The following TRANK1 variants were observed in gnomAD, a reference collection of about 807,000 sequenced individuals.
TRANK1 encodes TPR and ankyrin repeat-containing protein 1.
Under a neutral mutation model 266.0 loss-of-function variants are expected in TRANK1, and 198 were observed. The ratio of observed to expected loss-of-function variants is 0.74; its 90% CI spans 0.66 to 0.84. The LOEUF is 0.84. Ranked by LOEUF, TRANK1 falls within the 40% of genes least tolerant of loss-of-function variation. TRANK1 has a pLI of 0.00. For synonymous variants in TRANK1, 1,396 were observed against 1,384.1 expected, an observed-to-expected ratio of 1.01 and a Z score of -0.19; for missense variants, 3,326 against 3,634.6, an observed-to-expected ratio of 0.92 and a Z score of 2.18.
At position 36,858,855 on chromosome 3, in the gene TRANK1, A is replaced by G; in HGVS notation, c.1535T>C (p.Val512Ala). The G allele has an allele frequency of 6.5e-7, 1 of 1,537,188 alleles. No homozygotes were observed. The highest frequency in any genetic ancestry group is 8.7e-7 in the Non-Finnish European group (1 of 1,146,836). The change falls in exon 12 of 24, where the codon GTT (valine) becomes GCT (alanine). Residue 512 changes from valine (V) to alanine (A), a missense_variant. By Grantham distance (64) the Val-to-Ala change is moderately conservative (BLOSUM62 0). Transcript: ENST00000645898. ...DGLQESQERP[V>A]VTCLKHEDFE... Reference sequence around the variant, plus strand: ...GTCCTCATGTTTCAGGCACGTGACAACTGGCCTCTCCTGGCTCTCCTGAAG... The same window carrying G: ...GTCCTCATGTTTCAGGCACGTGACAGCTGGCCTCTCCTGGCTCTCCTGAAG...
At chr3:36,877,282 G>C (rs2079403908) in intron 8 of TRANK1, among the ~76,000 whole-genome samples, 1 of 152,180 alleles carries the variant, frequency 6.6e-6, no homozygotes, top group East Asian at 1.9e-4. Flanking sequence ...AGAAAAAAAT[G>C]TAAGATATTA....
At chr3:36,842,011 C>T (rs1030027923) in intron 18 of TRANK1, among the ~76,000 whole-genome samples, 1 of 152,176 alleles carries the variant, frequency 6.6e-6, no homozygotes, top group South Asian at 2.1e-4. Context: ...CACCCAAAAC[C>T]CTGTGATGTG....
chr3:36,829,683 G>A (rs2078669626), intron 22 of TRANK1, 21 bp from the exon 23 acceptor site: 1 of 1,611,468 alleles, frequency 6.2e-7, no homozygotes, highest in Non-Finnish European at 8.5e-7. Context: ...CAAAGAACAT[G>A]GCTCTGAGTA....
intron 1 of TRANK1, among the ~76,000 whole-genome samples, chr3:36,927,043 A>G (rs1465168971): frequency 6.6e-6 from 1 of 152,208 alleles, no homozygotes; most frequent in African/African-American, 2.4e-5. Context: ...CAGCAAGGGT[A>G]TCAGCCAGTA....
At chr3:36,903,739 A>G (rs1441815514) in intron 2 of TRANK1, among the ~76,000 whole-genome samples, 1 of 152,230 alleles carries the variant, frequency 6.6e-6, no homozygotes, top group Non-Finnish European at 1.5e-5. Flanking sequence ...GCCTGTGAGG[A>G]GGGGCACAGC....
At chr3:36,842,829 C>T (rs931369992) in intron 17 of TRANK1, 119 bp from the exon 18 acceptor site, 6 of 832,798 alleles carry the variant, frequency 7.2e-6, no homozygotes, top group African/African-American at 5.0e-5. Flanking sequence ...AAAGTCCTAA[C>T]TCCCGGTACC....
chr3:36,856,895 C>T lies in TRANK1; in HGVS notation c.2827G>A (p.Asp943Asn). 4 of 1,613,982 alleles carry T rather than the reference C, an allele frequency of 2.5e-6. No homozygotes were observed. The highest frequency in any genetic ancestry group is 3.4e-6 in the Non-Finnish European group (4 of 1,179,864). The stretch of plus-strand genomic sequence containing the variant: ...AGTTTGCAGTGATCTAAGACGATGT[C>T]CCAAATCCGGATGATTTCCGTGTAG... ...RIYTEIIRIW[D>N]IVLDHCKLAD... is the part of the protein sequence containing the mutation. Residue 943 changes from aspartate to asparagine, a missense_variant, in exon 13 of 24, where the codon GAC becomes AAC. Physicochemically the swap from Asp to Asn is conservative, Grantham distance 23. Transcript: ENST00000645898.
chr3:36,851,630 T>C, intron 15 of TRANK1, 89 bp downstream of exon 15: 1 of 1,461,224 alleles, frequency 6.8e-7, no homozygotes, highest in Non-Finnish European at 9.1e-7. Flanking sequence ...ATAAACTCTC[T>C]TACCCTCAAC....
rs1279981839 is a variant in TRANK1 at position 36,879,563 on chromosome 3, T to TATATAAATATATAAATATAC, written c.908-5268_908-5267insGTATATTTATATATTTATAT. 1.9e-5 allele frequency among the ~76,000 whole-genome samples: 2 copies of TATATAAATATATAAATATAC among 106,686 alleles called. 1 individual carries two copies. The highest frequency in any genetic ancestry group is 3.6e-5 in the Non-Finnish European group (2 of 55,298). 70.0% of individuals were successfully genotyped at this position (106,686 alleles called of 152,430 possible). ...GTATAAATATATCTATATAAATATA[T>TATATAAATATATAAATATAC]AAATATATAAATATATATAAATATA... On this transcript the variant is annotated intron_variant, in intron 8 of 23. Coordinates refer to ENST00000645898, the MANE Select transcript of TRANK1 (RefSeq NM_001329998.2).
chr3:36,865,024 G>GTTTTT (rs34540496), intron 9 of TRANK1, among the ~76,000 whole-genome samples: 18 of 119,790 alleles, frequency 1.5e-4, no homozygotes, highest in South Asian at 5.3e-4. Context: ...TGTTTTTTTG[G>GTTTTT]TTTTTTTTTT....
chr3:36,846,311 G>A lies in TRANK1; in HGVS notation c.5128C>T (p.Pro1710Ser). The A allele has an allele frequency of 6.2e-7, 1 of 1,613,294 alleles. No homozygotes were observed. The highest frequency in any genetic ancestry group is 8.5e-7 in the Non-Finnish European group (1 of 1,179,642). The change falls in exon 17 of 24, where the codon CCC becomes TCC. Residue 1710 changes from proline to serine, a missense_variant. Physicochemically the swap from Pro to Ser is moderately conservative, Grantham distance 74. Coordinates refer to ENST00000645898, the MANE Select transcript of TRANK1 (RefSeq NM_001329998.2). ...CTTCTAATGAAATATTTGAATGCGG[G>A]AGCCCGTTTCTCTCGGTTTTCATCA... ...IFDENREKRA[P>S]AFKYFIRRDF...
At position 36,833,187 on chromosome 3, in the gene TRANK1, A is replaced by G; in HGVS notation, c.6396T>C (p.Asn2132=). 6.2e-7 allele frequency: 1 copy of G among 1,613,964 alleles called. No homozygotes were observed. The highest frequency in any genetic ancestry group is 1.3e-5 in the African/African-American group (1 of 75,036). Residue 2132 remains asparagine, a synonymous_variant, in exon 22 of 24, where the codon AAT becomes AAC. Coordinates refer to ENST00000645898, the MANE Select transcript of TRANK1 (RefSeq NM_001329998.2). ...VDAKYCQIAQ[N]DPGPILRIIF... is the part of the protein sequence containing the mutation. Reference sequence around the variant, plus strand: ...TTATTCTTAATATGGGCCCAGGGTCATTCTGAGCTATCTGGCAATACTTGG... The same window carrying G: ...TTATTCTTAATATGGGCCCAGGGTCGTTCTGAGCTATCTGGCAATACTTGG...
rs376891105 is a variant in TRANK1 at position 36,874,133 on chromosome 3, G to T, written c.1071C>A (p.Asp357Glu). ...HLEKLATCSK[D>E]LSGFSNGDGP... ...ATACACTGGAAGCTGTACCTGATAG[G>T]TCCTTAGAACACGTAGCTAGCTTTT... Residue 357 changes from aspartate to glutamate, a missense_variant, in exon 9 of 24, where the codon GAC (aspartate) becomes GAA (glutamate). Physicochemically the swap from Asp to Glu is conservative, Grantham distance 45. Transcript: ENST00000645898. 2.6e-6 allele frequency: 4 copies of T among 1,536,704 alleles called. No individual in the cohort carries two copies. The African/African-American group carries it at 5.5e-5, about 21-fold the overall frequency.
At chr3:36,849,307 G>T (rs2078956995) in intron 15 of TRANK1, among the ~76,000 whole-genome samples, 1 of 152,170 alleles carries the variant, frequency 6.6e-6, no homozygotes. Flanking sequence ...CAGAAGGATA[G>T]CTTGAGGGTG....
rs1304911297 is a variant in TRANK1, at chr3:36,827,257, A to T, written c.*1018T>A. ...ACGGGCCCAGATCCGCCCTCTTATAAGGCCTGCCAGCCAAGTGGCAGTGAC... is the reference window on the plus strand; with the variant it reads ...ACGGGCCCAGATCCGCCCTCTTATATGGCCTGCCAGCCAAGTGGCAGTGAC... On this transcript the variant is annotated 3_prime_UTR_variant, in exon 24 of 24. Transcript: ENST00000645898. The T allele has an allele frequency of 6.6e-6, 1 of 152,260 alleles. No homozygotes were observed. The highest frequency in any genetic ancestry group is 2.4e-5 in the African/African-American group (1 of 41,462). 9.4% of individuals were successfully genotyped at this position (152,260 alleles called of 1,614,324 possible).
chr3:36,908,263 TA>T (rs2080002328), intron 2 of TRANK1, 59 bp downstream of exon 2: 14 of 1,230,832 alleles, frequency 1.1e-5, no homozygotes, highest in Non-Finnish European at 1.4e-5. Flanking sequence ...AAAGAAATCA[TA>T]AGGAACAGAG....
chr3:36,835,636 A>G (rs1325975245), intron 20 of TRANK1, among the ~76,000 whole-genome samples: 1 of 152,224 alleles, frequency 6.6e-6, no homozygotes, highest in Non-Finnish European at 1.5e-5. Context: ...GCTCAACAAA[A>G]GACACATGAA....
chr3:36,833,625 G>A lies in TRANK1; in HGVS notation c.5958C>T (p.Asp1986=), dbSNP rs186229206. The A allele has an allele frequency of 3.0e-3, 4,846 of 1,613,938 alleles. 11 individuals carry two copies. The highest frequency in any genetic ancestry group is 3.7e-3 in the Non-Finnish European group (4,369 of 1,179,852). ...LEAARLTADK[D]FQASCLLGAA... is the part of the protein sequence containing the mutation. ...CCCCCAGCAGACATGAGGCCTGGAAGTCCTTGTCGGCAGTGAGCCTGGCAG... is the reference window on the plus strand; with the variant it reads ...CCCCCAGCAGACATGAGGCCTGGAAATCCTTGTCGGCAGTGAGCCTGGCAG... The change falls in exon 22 of 24, where the codon GAC becomes GAT. Residue 1986 remains aspartate (D), a synonymous_variant. Coordinates refer to ENST00000645898, the MANE Select transcript of TRANK1 (RefSeq NM_001329998.2).
intron 9 of TRANK1, among the ~76,000 whole-genome samples, chr3:36,865,868 G>A (rs1434176689): frequency 6.6e-6 from 1 of 151,756 alleles, no homozygotes; most frequent in Non-Finnish European, 1.5e-5. Flanking sequence ...GGTTGAGGCG[G>A]CAATGAGTAA....
Sources: allele counts gnomAD v4.1 joint callset (sites outside exome capture counted in the v4.1 genomes callset), GRCh38; gene constraint gnomAD v4.1.1; transcripts MANE v1.5; gene names NCBI Gene and HGNC (gene_info 2026-07-23, HGNC 2026-07-21).